Variants in PTPRD observed in about 807,000 individuals in gnomAD.
PTPRD encodes the protein receptor-type tyrosine-protein phosphatase delta.
In PTPRD, 34 loss-of-function variants were observed where a neutral mutation model predicts 214.5. The observed-to-expected ratio is 0.16, with a 90% CI of 0.12 to 0.21. The LOEUF is 0.21. PTPRD is among the 10% of genes least tolerant of loss of function. The probability of loss-of-function intolerance (pLI) is 1.00; values close to 1 mark genes in which losing one functional copy is unlikely to be tolerated. For synonymous variants in PTPRD, 1,128 were observed against 845.7 expected (o/e 1.33, Z -5.79); for missense variants, 2,545 against 2,398.7 (o/e 1.06, Z -1.27).
chr9:10,543,321 G>A lies in PTPRD; in HGVS notation c.-600+69077C>T, dbSNP rs143711592. 1.6e-3 allele frequency among the ~76,000 whole-genome samples: 243 copies of A among 151,848 alleles called. 1 individual carries two copies. Among genetic ancestry groups the A allele is most frequent in the African/African-American group, 5.6e-3 (231 of 41,404 alleles). On this transcript the variant is annotated intron_variant, in intron 2 of 45. Coordinates refer to ENST00000381196, the MANE Select transcript of PTPRD (RefSeq NM_002839.4). ...TAATTTACTTATATAATTTGATTTCGGAGACACCTTTATAACAATCTAATT... is the reference window on the plus strand; with the variant it reads ...TAATTTACTTATATAATTTGATTTCAGAGACACCTTTATAACAATCTAATT...
intron 11 of PTPRD, among the ~76,000 whole-genome samples, chr9:8,977,665 A>ATT (rs34223430): frequency 0.03 from 4,277 of 141,582 alleles, 103 homozygotes; most frequent in Middle Eastern, 0.058. Flanking sequence ...AACAAGGAGA[A>ATT]TTTTTTTTTT....
chr9:10,095,467 T>G (rs1462243083), intron 3 of PTPRD, among the ~76,000 whole-genome samples: 1 of 151,524 alleles, frequency 6.6e-6, no homozygotes, highest in African/African-American at 2.4e-5. Context: ...AGATCAGCCC[T>G]ACTGACATGA....
intron 12 of PTPRD, among the ~76,000 whole-genome samples, chr9:8,670,284 TC>T (rs932930553): frequency 3.2e-4 from 49 of 152,304 alleles, no homozygotes; most frequent in African/African-American, 8.4e-4. Flanking sequence ...TTTTGTATCC[TC>T]TTGACCTATA....
At chr9:8,665,949 A>C (rs2097161119) in intron 12 of PTPRD, among the ~76,000 whole-genome samples, 1 of 152,186 alleles carries the variant, frequency 6.6e-6, no homozygotes, top group Admixed American at 6.5e-5. Context: ...TATTAATTCA[A>C]AGTGTTCCAA....
chr9:9,349,476 T>C (rs1385516254), intron 9 of PTPRD, among the ~76,000 whole-genome samples: 1 of 152,074 alleles, frequency 6.6e-6, no homozygotes, highest in Non-Finnish European at 1.5e-5. Flanking sequence ...GGTAAAGTGA[T>C]ATAGAAGTGC....
intron 2 of PTPRD, among the ~76,000 whole-genome samples, chr9:10,487,235 T>C (rs1218309455): frequency 6.6e-6 from 1 of 152,122 alleles, no homozygotes; most frequent in Non-Finnish European, 1.5e-5. Context: ...TGGGTCTTCT[T>C]TTTCTATCCA....
At chr9:10,419,817 G>C (rs1221734215) in intron 2 of PTPRD, among the ~76,000 whole-genome samples, 1 of 151,620 alleles carries the variant, frequency 6.6e-6, no homozygotes, top group African/African-American at 2.4e-5. Context: ...AAAGCAGTCT[G>C]TTCATTTAGT....
intron 35 of PTPRD, among the ~76,000 whole-genome samples, chr9:8,409,341 C>G (rs1287573767): frequency 6.6e-6 from 1 of 152,086 alleles, no homozygotes; most frequent in East Asian, 1.9e-4. Flanking sequence ...GGCTGAGGGC[C>G]CAGCCACCAT....
chr9:10,050,097 G>C (rs2097500106), intron 3 of PTPRD, among the ~76,000 whole-genome samples: 1 of 152,046 alleles, frequency 6.6e-6, no homozygotes, highest in African/African-American at 2.4e-5. Context: ...ATAAATATCT[G>C]TCGAATTAAA....
At chr9:8,337,247 A>G (rs1051647010) in intron 43 of PTPRD, among the ~76,000 whole-genome samples, 2 of 152,192 alleles carry the variant, frequency 1.3e-5, no homozygotes, top group African/African-American at 4.8e-5. Context: ...GCACATATAC[A>G]CTATGGAATA....
intron 11 of PTPRD, among the ~76,000 whole-genome samples, chr9:9,002,282 T>C (rs2099426608): frequency 1.3e-5 from 2 of 151,978 alleles, no homozygotes; most frequent in Admixed American, 1.3e-4. Context: ...ATCTTAATAT[T>C]AATGAGGCAC....
rs541534155 is a variant in PTPRD, at chr9:9,442,868, C to T, written c.-236-45386G>A. ...GGGAATCTTTTTGGTATAATTATTTCCTAAAGGATTATTTGAGCCATTGTG... is the reference window on the plus strand; with the variant it reads ...GGGAATCTTTTTGGTATAATTATTTTCTAAAGGATTATTTGAGCCATTGTG... On this transcript the variant is annotated intron_variant, in intron 8 of 45. Coordinates refer to ENST00000381196, the MANE Select transcript of PTPRD (RefSeq NM_002839.4). Among the ~76,000 whole-genome samples the T allele has an allele frequency of 7.3e-4, 111 of 152,098 alleles. No individual in the cohort carries two copies. In the South Asian group the frequency reaches 0.021, roughly 29 times the overall value.
At chr9:8,436,531 G>C in intron 35 of PTPRD, 61 bp downstream of exon 35, 1 of 1,290,706 alleles carries the variant, frequency 7.7e-7, no homozygotes, top group African/African-American at 1.5e-5. Context: ...TCAAGAATAT[G>C]GTCAAAAAAA....
chr9:9,259,015 T>C (rs1209540899), intron 9 of PTPRD, among the ~76,000 whole-genome samples: 2 of 151,870 alleles, frequency 1.3e-5, no homozygotes, highest in Non-Finnish European at 2.9e-5. Flanking sequence ...AAGGATCATA[T>C]AGTTTGAATA....
intron 10 of PTPRD, among the ~76,000 whole-genome samples, chr9:9,148,504 C>T (rs1005298108): frequency 1.4e-4 from 21 of 152,080 alleles, no homozygotes; most frequent in Non-Finnish European, 2.8e-4. Flanking sequence ...TTGATACATA[C>T]GTGTCATGAA....
chr9:9,498,790 G>A (rs2096291160), intron 8 of PTPRD, among the ~76,000 whole-genome samples: 1 of 151,978 alleles, frequency 6.6e-6, no homozygotes, highest in Non-Finnish European at 1.5e-5. Flanking sequence ...TTGTAAGACA[G>A]GAAATGATCT....
intron 5 of PTPRD, among the ~76,000 whole-genome samples, chr9:9,806,372 A>G (rs912964640): frequency 6.6e-5 from 10 of 152,112 alleles, no homozygotes; most frequent in African/African-American, 1.9e-4. Context: ...AGCCATTATG[A>G]CATTCCCCCG....
intron 39 of PTPRD, among the ~76,000 whole-genome samples, chr9:8,365,911 T>C (rs1019475897): frequency 3.9e-5 from 6 of 152,128 alleles, no homozygotes; most frequent in African/African-American, 1.4e-4. Flanking sequence ...ATCCATGTCC[T>C]GCCCCAAGTC....
rs114408506 is a variant in PTPRD, at chr9:10,518,948, T to C, written c.-600+93450A>G. ...TAATGAACAGGGCAAGAAGATGCCA[T>C]GCTAATTTTCTTTTTCTGGGTAGAT... On this transcript the variant is annotated intron_variant, in intron 2 of 45. Coordinates refer to ENST00000381196, the MANE Select transcript of PTPRD (RefSeq NM_002839.4). Among the ~76,000 whole-genome samples, 291 of 152,064 alleles carry C rather than the reference T, an allele frequency of 1.9e-3. 1 individual carries two copies. Among genetic ancestry groups the C allele is most frequent in the African/African-American group, 6.7e-3 (280 of 41,488 alleles).
Sources: allele counts gnomAD v4.1 joint callset (sites outside exome capture counted in the v4.1 genomes callset), GRCh38; gene constraint gnomAD v4.1.1; transcripts MANE v1.5; gene names NCBI Gene and HGNC (gene_info 2026-07-23, HGNC 2026-07-21).